Variants in UNC5D observed in about 807,000 individuals in gnomAD.
UNC5D encodes the protein unc-5 netrin receptor D, also known as netrin receptor UNC5D.
UNC5D carries 39 observed loss-of-function variants against 105.4 expected under a neutral mutation model. The observed-to-expected ratio is 0.37, with a 90% confidence interval of 0.29 to 0.48. UNC5D has a LOEUF of 0.48. UNC5D is among the 20% of genes least tolerant of loss of function. The probability of loss-of-function intolerance (pLI) is 0.98; values close to 1 mark genes in which losing one functional copy is unlikely to be tolerated. For synonymous variants in UNC5D, 452 were observed against 450.4 expected, an observed-to-expected ratio of 1.00 and a Z score of -0.04; for missense variants, 991 against 1,202.4, an observed-to-expected ratio of 0.82 and a Z score of 2.60.
At chr8:35,676,984 AC>A (rs1435785228) in intron 4 of UNC5D, among the ~76,000 whole-genome samples, 6 of 152,128 alleles carry the variant, frequency 3.9e-5, no homozygotes, top group Non-Finnish European at 8.8e-5. Flanking sequence ...ATTGAAATAA[AC>A]ATCTCTGGCT....
rs139410600 is a variant in UNC5D, at chr8:35,594,310, A to C, written c.467-1244A>C. ...ACATGGCTTGCCGTGCTTGTTATTC[A>C]TTGAGTGTTTTTGACTTGCTAAAGG... is the stretch of plus-strand genomic sequence containing the variant. On this transcript the variant is annotated intron_variant, in intron 3 of 16. Coordinates refer to ENST00000404895, the MANE Select transcript of UNC5D (RefSeq NM_080872.4). Among the ~76,000 whole-genome samples the C allele has an allele frequency of 6.4e-3, 970 of 152,318 alleles. 5 individuals are homozygous for C. The highest frequency in any genetic ancestry group is 0.022 in the African/African-American group (933 of 41,578).
chr8:35,524,788 T>C (rs1329898824), intron 1 of UNC5D, among the ~76,000 whole-genome samples: 12 of 150,478 alleles, frequency 8.0e-5, no homozygotes, highest in Admixed American at 4.0e-4. Context: ...TAAAAGTTTC[T>C]TTCAATCATT....
At chr8:35,534,097 G>T (rs1020426015) in intron 1 of UNC5D, among the ~76,000 whole-genome samples, 5 of 152,098 alleles carry the variant, frequency 3.3e-5, no homozygotes, top group African/African-American at 1.2e-4. Context: ...TTTTATAGTT[G>T]ATATCATATA....
rs549970002 is a variant in UNC5D at position 35,604,086 on chromosome 8, A to T, written c.570+8429A>T. On this transcript the variant is annotated intron_variant, in intron 4 of 16. Transcript: ENST00000404895. The stretch of plus-strand genomic sequence containing the variant: ...TATGTGTGAATTTGATCCTGTCATT[A>T]TGATGTTAGCTGGTTATTTTGCTTG... Among the ~76,000 whole-genome samples, 127 of 152,300 alleles carry T rather than the reference A, an allele frequency of 8.3e-4. 4 individuals are homozygous for T. In the South Asian group the frequency reaches 0.025, roughly 30 times the overall value.
intron 1 of UNC5D, among the ~76,000 whole-genome samples, chr8:35,425,380 C>T (rs774651836): frequency 1.3e-5 from 2 of 152,124 alleles, no homozygotes; most frequent in African/African-American, 2.4e-5. Flanking sequence ...ACATTATTCT[C>T]TTAGCTATCC....
intron 16 of UNC5D, among the ~76,000 whole-genome samples, chr8:35,776,892 TGAGGCCACAAGTTC>T (rs1186091047): frequency 6.6e-6 from 1 of 152,092 alleles, no homozygotes; most frequent in Non-Finnish European, 1.5e-5. Flanking sequence ...AAGTGTCACT[TGAGGCCACAAGTTC>T]GAGGCCACAA....
chr8:35,587,794 T>A (rs1818882523), intron 3 of UNC5D, among the ~76,000 whole-genome samples: 1 of 151,748 alleles, frequency 6.6e-6, no homozygotes, highest in South Asian at 2.1e-4. Context: ...GAAAGGGATC[T>A]TTTTTTGGAC....
chr8:35,284,173 A>G (rs1216191234), intron 1 of UNC5D, among the ~76,000 whole-genome samples: 2 of 152,182 alleles, frequency 1.3e-5, no homozygotes, highest in Admixed American at 1.3e-4. Context: ...TCTCTGAAAA[A>G]ATCATACTGA....
At chr8:35,382,449 G>A (rs1803098494) in intron 1 of UNC5D, among the ~76,000 whole-genome samples, 1 of 152,152 alleles carries the variant, frequency 6.6e-6, no homozygotes, top group Non-Finnish European at 1.5e-5. Flanking sequence ...CCACATCTGT[G>A]AACAGAGATG....
At chr8:35,613,437 A>T (rs1480184103) in intron 4 of UNC5D, among the ~76,000 whole-genome samples, 3 of 152,186 alleles carry the variant, frequency 2.0e-5, no homozygotes, top group East Asian at 1.9e-4. Flanking sequence ...GTGTTTCAAC[A>T]TTATTTCTGG....
At chr8:35,645,009 C>G (rs151044900) in intron 4 of UNC5D, among the ~76,000 whole-genome samples, 2,516 of 152,222 alleles carry the variant, frequency 0.017, 83 homozygotes, top group African/African-American at 0.056. Context: ...CTGATTTGAG[C>G]AATCTAACAA....
At chr8:35,482,129 G>A (rs1441975046) in intron 1 of UNC5D, among the ~76,000 whole-genome samples, 2 of 152,168 alleles carry the variant, frequency 1.3e-5, no homozygotes, top group Non-Finnish European at 2.9e-5. Context: ...AGACTGAATA[G>A]CGAACATCTC....
chr8:35,708,508 A>G (rs1827741617), intron 8 of UNC5D, among the ~76,000 whole-genome samples: 1 of 152,214 alleles, frequency 6.6e-6, no homozygotes, highest in Non-Finnish European at 1.5e-5. Flanking sequence ...TTGTGTAACA[A>G]TGTCAGGAGG....
intron 3 of UNC5D, among the ~76,000 whole-genome samples, chr8:35,576,158 A>G (rs780606656): frequency 5.3e-5 from 8 of 151,992 alleles, no homozygotes; most frequent in Non-Finnish European, 1.0e-4. Context: ...AAACGTTATT[A>G]AGAGTTTTGA....
intron 1 of UNC5D, among the ~76,000 whole-genome samples, chr8:35,290,276 A>G (rs975392142): frequency 2.6e-5 from 4 of 152,232 alleles, no homozygotes; most frequent in African/African-American, 9.6e-5. Context: ...ATGGATAAAG[A>G]AAAGATGGTG....
intron 2 of UNC5D, among the ~76,000 whole-genome samples, chr8:35,563,561 A>G (rs1402131022): frequency 6.6e-6 from 1 of 152,078 alleles, no homozygotes; most frequent in Admixed American, 6.6e-5. Flanking sequence ...AGTCATCTAC[A>G]AACAAGGCTA....
chr8:35,511,433 A>G (rs1812689062), intron 1 of UNC5D, among the ~76,000 whole-genome samples: 2 of 150,812 alleles, frequency 1.3e-5, no homozygotes, highest in Non-Finnish European at 2.9e-5. Context: ...CAGGAATTCA[A>G]GGCCAGCCTG....
At chr8:35,323,638 T>C (rs1033134391) in intron 1 of UNC5D, among the ~76,000 whole-genome samples, 7 of 152,210 alleles carry the variant, frequency 4.6e-5, no homozygotes, top group African/African-American at 1.7e-4. Flanking sequence ...TATTTTTACA[T>C]ACTTTAATCC....
chr8:35,593,324 A>G (rs1410952198), intron 3 of UNC5D, among the ~76,000 whole-genome samples: 1 of 152,218 alleles, frequency 6.6e-6, no homozygotes, highest in East Asian at 1.9e-4. Context: ...AATTTGCACT[A>G]TATGTTTTCT....
Sources: allele counts gnomAD v4.1 joint callset (sites outside exome capture counted in the v4.1 genomes callset), GRCh38; gene constraint gnomAD v4.1.1; transcripts MANE v1.5; gene names NCBI Gene and HGNC (gene_info 2026-07-23, HGNC 2026-07-21).